FAM13A: variants seen among roughly 807,000 people sequenced by gnomAD.
FAM13A encodes family with sequence similarity 13 member A, also known as protein FAM13A.
Under a neutral mutation model 129.6 loss-of-function variants are expected in FAM13A, and 76 were observed. The ratio of observed to expected loss-of-function variants is 0.59; its 90% CI spans 0.49 to 0.71. FAM13A has a LOEUF of 0.71. Among genes scored for constraint, FAM13A ranks in the 30% least tolerant of loss-of-function variants. FAM13A has a pLI of 0.00. For missense variants in FAM13A, 1,108 were observed against 1,249.3 expected, an observed-to-expected ratio of 0.89 and a Z score of 1.70; for synonymous variants, 443 against 449.9, an observed-to-expected ratio of 0.98 and a Z score of 0.20.
chr4:88,821,946 T>C (rs974918472), intron 7 of FAM13A, among the ~76,000 whole-genome samples: 4 of 152,322 alleles, frequency 2.6e-5, no homozygotes, highest in Non-Finnish European at 5.9e-5. Context: ...ATAAGCAATG[T>C]TTTAAAGCTT....
At chr4:88,883,592 C>T (rs1277159098) in intron 6 of FAM13A, among the ~76,000 whole-genome samples, 1 of 152,012 alleles carries the variant, frequency 6.6e-6, no homozygotes, top group African/African-American at 2.4e-5. Context: ...TCTAAGGTCA[C>T]ACCTCAAGGA....
intron 5 of FAM13A, among the ~76,000 whole-genome samples, chr4:88,916,063 A>C (rs2148691353): frequency 6.6e-6 from 1 of 152,296 alleles, no homozygotes; most frequent in East Asian, 1.9e-4. Flanking sequence ...AAGAAGAGGA[A>C]GAGAGATTTG....
chr4:88,753,222 G>T (rs1175627844), intron 14 of FAM13A, among the ~76,000 whole-genome samples: 4 of 152,196 alleles, frequency 2.6e-5, no homozygotes, highest in African/African-American at 9.7e-5. Flanking sequence ...AAGAGTGTGT[G>T]ATAAGATAAA....
chr4:88,831,215 T>C (rs1011778516), intron 7 of FAM13A, among the ~76,000 whole-genome samples: 6 of 152,198 alleles, frequency 3.9e-5, no homozygotes, highest in Admixed American at 6.5e-5. Context: ...CATGACTTTC[T>C]CCAAATCTCC....
intron 6 of FAM13A, among the ~76,000 whole-genome samples, chr4:88,875,171 C>A (rs1245195927): frequency 9.2e-5 from 14 of 152,090 alleles, no homozygotes; most frequent in African/African-American, 3.4e-4. Context: ...AATGTTAGAC[C>A]TAAAACCATA....
chr4:88,884,415 A>G (rs1043278812), intron 6 of FAM13A, among the ~76,000 whole-genome samples: 1 of 152,180 alleles, frequency 6.6e-6, no homozygotes, highest in Non-Finnish European at 1.5e-5. Context: ...GATCAGCTCA[A>G]TAGAGGCACA....
chr4:88,806,665 T>G (rs1728624847), intron 7 of FAM13A, among the ~76,000 whole-genome samples: 1 of 152,164 alleles, frequency 6.6e-6, no homozygotes, highest in Non-Finnish European at 1.5e-5. Flanking sequence ...TTATAACTAA[T>G]GGTGTTAACT....
chr4:88,910,233 T>C (rs1182849933), intron 5 of FAM13A, among the ~76,000 whole-genome samples: 1 of 152,172 alleles, frequency 6.6e-6, no homozygotes, highest in East Asian at 1.9e-4. Flanking sequence ...CATGAGACTT[T>C]TGACTGAACC....
intron 19 of FAM13A, among the ~76,000 whole-genome samples, chr4:88,742,154 C>G (rs1413846324): frequency 6.6e-6 from 1 of 152,198 alleles, no homozygotes; most frequent in Non-Finnish European, 1.5e-5. Flanking sequence ...GCATCCATTA[C>G]TAGTTATTTG....
chr4:88,750,671 C>T lies in FAM13A; in HGVS notation c.1727-34G>A, dbSNP rs1473567793. The T allele has an allele frequency of 3.9e-6, 6 of 1,521,352 alleles. No individual in the cohort carries two copies. The African/African-American group carries it at 6.9e-5, about 17-fold the overall frequency. The allele number at this position is 1,521,352 out of a possible 1,614,324, so 94.2% of individuals were successfully genotyped here. Reference sequence around the variant, plus strand: ...TAAGGGCAGTAAGATCAGGACTGTTCCTGAAAGAGGTCAGGGTTGTTCTTT... The same window carrying T: ...TAAGGGCAGTAAGATCAGGACTGTTTCTGAAAGAGGTCAGGGTTGTTCTTT... On this transcript the variant is annotated intron_variant, in intron 14 of 23. Transcript: ENST00000264344.
chr4:88,851,208 G>T (rs770919539), intron 6 of FAM13A, 25 bp from the exon 7 acceptor site: 6 of 1,526,782 alleles, frequency 3.9e-6, no homozygotes, highest in Non-Finnish European at 5.3e-6. Context: ...AAAGAGGGGT[G>T]GGGGAGAGCT....
At chr4:88,809,638 G>A (rs936430353) in intron 7 of FAM13A, among the ~76,000 whole-genome samples, 7 of 128,882 alleles carry the variant, frequency 5.4e-5, no homozygotes, top group East Asian at 2.9e-4. Flanking sequence ...TGTAAGGGGA[G>A]GAATTTTCTT....
At chr4:88,932,522 GT>G (rs1007962876) in intron 5 of FAM13A, among the ~76,000 whole-genome samples, 1 of 152,132 alleles carries the variant, frequency 6.6e-6, no homozygotes, top group African/African-American at 2.4e-5. Flanking sequence ...GCCCAGAGTA[GT>G]TTTGCATTAA....
At chr4:88,978,269 C>G (rs1761166926) in intron 4 of FAM13A, among the ~76,000 whole-genome samples, 1 of 152,178 alleles carries the variant, frequency 6.6e-6, no homozygotes, top group Non-Finnish European at 1.5e-5. Context: ...ATACTTTCTA[C>G]ACTTCAGTTT....
chr4:88,989,238 C>T (rs961579458), intron 4 of FAM13A, among the ~76,000 whole-genome samples: 1 of 151,702 alleles, frequency 6.6e-6, no homozygotes, highest in Non-Finnish European at 1.5e-5. Flanking sequence ...CAAAAAGCTA[C>T]ATTAAACGAC....
intron 7 of FAM13A, among the ~76,000 whole-genome samples, chr4:88,819,398 C>G (rs888215280): frequency 1.3e-5 from 2 of 152,132 alleles, no homozygotes; most frequent in Non-Finnish European, 2.9e-5. Context: ...GTTAGTCTAG[C>G]AAATTAAAAT....
intron 5 of FAM13A, among the ~76,000 whole-genome samples, chr4:88,926,225 A>AC (rs567524888): frequency 1.3e-3 from 203 of 152,058 alleles, no homozygotes; most frequent in Non-Finnish European, 2.5e-3. Context: ...GGTAAGGCTT[A>AC]CCCCCCATCC....
chr4:88,989,268 A>T (rs1464480743), intron 4 of FAM13A, among the ~76,000 whole-genome samples: 2 of 152,104 alleles, frequency 1.3e-5, no homozygotes, highest in Admixed American at 6.6e-5. Context: ...AGGTAAATGG[A>T]ATTTGTCAAG....
At chr4:88,766,490 T>C (rs1012564883) in intron 13 of FAM13A, among the ~76,000 whole-genome samples, 2 of 152,158 alleles carry the variant, frequency 1.3e-5, no homozygotes, top group Non-Finnish European at 2.9e-5. Flanking sequence ...AGGACAAGAA[T>C]TGAATACAGG....
Sources: gnomAD v4.1 joint callset for allele counts (sites outside exome capture counted in the v4.1 genomes callset) on GRCh38, gnomAD v4.1.1 for gene constraint, MANE v1.5 for transcripts, NCBI Gene and HGNC (gene_info 2026-07-23, HGNC 2026-07-21) for gene names.